SLFN14: variants seen among roughly 807,000 people sequenced by gnomAD.
The protein encoded by SLFN14 is protein SLFN14.
In SLFN14, 47 loss-of-function variants were observed where a neutral mutation model predicts 58.6. That is an observed-to-expected ratio of 0.80 (90% CI 0.64 to 1.02). The LOEUF (loss-of-function observed/expected upper bound fraction) is 1.02. Ranked by LOEUF, SLFN14 falls within the 50% of genes least tolerant of loss-of-function variation. The pLI is 0.00. For missense variants in SLFN14, 967 were observed against 1,078.4 expected, an observed-to-expected ratio of 0.90 and a Z score of 1.45; for synonymous variants, 390 against 387.3, an observed-to-expected ratio of 1.01 and a Z score of -0.08.
At position 35,546,220 on chromosome 17, in the gene SLFN14, T is replaced by C. The variant is rs1198853185; in HGVS notation, c.*2019A>G. ...TCATACATCTCCCTACATCAGAATG[T>C]CAATGCACTGGCATCTTTTGCAAAA... On this transcript the variant is annotated 3_prime_UTR_variant, in exon 6 of 6. Transcript: ENST00000674182. Among the ~76,000 whole-genome samples, 1 of 152,214 alleles carries C rather than the reference T, an allele frequency of 6.6e-6. No individual in the cohort carries two copies. Among genetic ancestry groups the C allele is most frequent in the Non-Finnish European group, 1.5e-5 (1 of 68,038 alleles).
chr17:35,546,234 T>C lies in SLFN14; in HGVS notation c.*2005A>G, dbSNP rs569365043. Among the ~76,000 whole-genome samples, 56 of 152,326 alleles carry C rather than the reference T, an allele frequency of 3.7e-4. No homozygotes were observed. The highest frequency in any genetic ancestry group is 1.3e-3 in the African/African-American group (56 of 41,584). On this transcript the variant is annotated 3_prime_UTR_variant, in exon 6 of 6. Transcript: ENST00000674182. The stretch of plus-strand genomic sequence containing the variant: ...ACATCAGAATGTCAATGCACTGGCA[T>C]CTTTTGCAAAACCGATTGCTGAACT...
At chr17:35,555,214 C>CA (rs1263375755) in intron 3 of SLFN14, among the ~76,000 whole-genome samples, 38 of 151,334 alleles carry the variant, frequency 2.5e-4, no homozygotes, top group South Asian at 6.2e-4. Context: ...CTACTAAAAA[C>CA]AAAAAAAATT....
At chr17:35,553,560 T>A in intron 4 of SLFN14, 116 bp from the exon 5 acceptor site, 1 of 841,640 alleles carries the variant, frequency 1.2e-6, no homozygotes. Context: ...GAGCTTTCCT[T>A]TAGAATTGTG....
chr17:35,555,032 G>A (rs2072637890), intron 3 of SLFN14, among the ~76,000 whole-genome samples: 1 of 152,022 alleles, frequency 6.6e-6, no homozygotes, highest in African/African-American at 2.4e-5. Flanking sequence ...TCTCTAAGAA[G>A]AAAAGGCATC....
In SLFN14 at chr17:35,557,618, G is replaced by A; in HGVS notation, c.445C>T (p.Leu149Phe). ...INLSASSALE[L>F]LREKGFRAQR... The stretch of plus-strand genomic sequence containing the variant: ...GCTCTAAACCCCTTCTCTCTGAGAA[G>A]CTCCAGGGCACTGCTAGCACTCAAG... The change falls in exon 3 of 6, where the codon CTT becomes TTT. Residue 149 changes from leucine (L) to phenylalanine (F), a missense_variant. By Grantham distance (22) the Leu-to-Phe change is conservative (BLOSUM62 0). Transcript: ENST00000674182. The A allele has an allele frequency of 6.4e-7, 1 of 1,551,678 alleles. No individual in the cohort carries two copies. The highest frequency in any genetic ancestry group is 8.7e-7 in the Non-Finnish European group (1 of 1,146,992).
rs1287342450 is a variant in SLFN14, at chr17:35,548,242, G to A, written c.2736C>T (p.Tyr912=). Residue 912 remains tyrosine, a synonymous_variant, in exon 6 of 6, where the codon TAC becomes TAT. Transcript: ENST00000674182. The stretch of plus-strand genomic sequence containing the variant: ...CCTCTATTATTTGTAATAATTTTCA[G>A]TAGGCTGCCCTCTTTTCATAAAGCA... The part of the protein sequence containing the change: ...LYLLYEKRAA[Y] 1 of 1,549,648 alleles carries A rather than the reference G, an allele frequency of 6.5e-7. No individual in the cohort carries two copies. Among genetic ancestry groups the A allele is most frequent in the East Asian group, 2.4e-5 (1 of 40,908 alleles).
At chr17:35,554,049 A>G (rs1216642977) in intron 4 of SLFN14, among the ~76,000 whole-genome samples, 2 of 152,174 alleles carry the variant, frequency 1.3e-5, no homozygotes, top group African/African-American at 4.8e-5. Context: ...CTCCCCCAGC[A>G]AAGAGTTATC....
chr17:35,548,043 G>A lies in SLFN14; in HGVS notation c.*196C>T, dbSNP rs1313142113. On this transcript the variant is annotated 3_prime_UTR_variant, in exon 6 of 6. Coordinates refer to ENST00000674182, the MANE Select transcript of SLFN14 (RefSeq NM_001129820.2). ...GTCTATTGTAATTGTATAGGTAGGA[G>A]GTGAAGGAAATTGTGAAAAGGCCAG... 1 of 602,128 alleles carries A rather than the reference G, an allele frequency of 1.7e-6. No individual in the cohort carries two copies. Among genetic ancestry groups the A allele is most frequent in the Non-Finnish European group, 2.9e-6 (1 of 342,416 alleles). 37.3% of individuals were successfully genotyped at this position (602,128 alleles called of 1,614,324 possible). A position where few individuals can be genotyped will look rare whatever the true frequency, so the allele number is the denominator to read the frequency against.
At position 35,549,014 on chromosome 17, in the gene SLFN14, T is replaced by G. The variant is rs1195748437; in HGVS notation, c.1964A>C (p.Lys655Thr). 1 of 1,551,574 alleles carries G rather than the reference T, an allele frequency of 6.4e-7. No homozygotes were observed. The highest frequency in any genetic ancestry group is 1.4e-5 in the African/African-American group (1 of 73,038). ...RKTFMQGEFLKIKHIVMDETE... is the reference protein window; with the variant it reads ...RKTFMQGEFLTIKHIVMDETE... ...CTCATCCATCACTATGTGTTTAATC[T>G]TTAGAAACTCCCCTTGCATGAAAGT... is the stretch of plus-strand genomic sequence containing the variant. Residue 655 changes from lysine (K) to threonine (T), a missense_variant, in exon 6 of 6, where the codon AAG becomes ACG. Physicochemically the swap from Lys to Thr is moderately conservative, Grantham distance 78. Transcript: ENST00000674182.
At chr17:35,559,053 T>TA (rs33995321) in intron 2 of SLFN14, among the ~76,000 whole-genome samples, 107 of 140,258 alleles carry the variant, frequency 7.6e-4, no homozygotes, top group Middle Eastern at 3.6e-3. Context: ...CGACAAAAGA[T>TA]AAAAAAAAAA....
intron 5 of SLFN14, among the ~76,000 whole-genome samples, chr17:35,551,867 C>A (rs116964752): frequency 0.018 from 2,771 of 152,334 alleles, 33 homozygotes; most frequent in Middle Eastern, 0.068. Context: ...GCCCCTGGGG[C>A]CTCCTCAGCC....
At chr17:35,551,554 A>T (rs2072587625) in intron 5 of SLFN14, among the ~76,000 whole-genome samples, 5 of 152,212 alleles carry the variant, frequency 3.3e-5, no homozygotes. Context: ...TGGAGTAGGT[A>T]CTGGCACTGG....
At chr17:35,554,856 G>C (rs1292676258) in intron 3 of SLFN14, 152 bp from the exon 4 acceptor site, 1 of 498,118 alleles carries the variant, frequency 2.0e-6, no homozygotes, top group Non-Finnish European at 3.1e-6. Flanking sequence ...GACAGCTCAC[G>C]TATGTCAGGA....
chr17:35,552,343 C>T (rs1041648162), intron 5 of SLFN14, among the ~76,000 whole-genome samples: 3 of 152,060 alleles, frequency 2.0e-5, no homozygotes, highest in African/African-American at 7.2e-5. Context: ...ACCACTTCCA[C>T]CTTTAAACAT....
In SLFN14 at chr17:35,557,718, A is replaced by G. The variant is rs2072667362; in HGVS notation, c.345T>C (p.Asp115=). 6.4e-7 allele frequency: 1 copy of G among 1,551,594 alleles called. No individual in the cohort carries two copies. Among genetic ancestry groups the G allele is most frequent in the Non-Finnish European group, 8.7e-7 (1 of 1,146,982 alleles). The change falls in exon 3 of 6, where the codon GAT becomes GAC. Residue 115 remains aspartate, a synonymous_variant. Coordinates refer to ENST00000674182, the MANE Select transcript of SLFN14 (RefSeq NM_001129820.2). ...AAATCCTTAGTGGAAGGCTGAAAAC[A>G]TCTGGGCTCCATGACTTCACAAAAA... ...LLIFVKSWSP[D]VFSLPLRICS... is the part of the protein sequence containing the mutation.
Position 35,548,417 on chromosome 17 carries a change from C to A in SLFN14, c.2561G>T (p.Gly854Val). ...PSEVVFSPAT[G>V]VWGSHIVLDS... ...TAAAACAATGTGACTTCCCCAAACA[C>A]CGGTGGCCGGGCTAAACACAACCTC... The change falls in exon 6 of 6, where the codon GGT becomes GTT. Residue 854 changes from glycine (G) to valine (V), a missense_variant. Physicochemically the swap from Gly to Val is moderately radical, Grantham distance 109. Transcript: ENST00000674182. The A allele has an allele frequency of 6.4e-7, 1 of 1,551,724 alleles. No homozygotes were observed. The highest frequency in any genetic ancestry group is 1.2e-5 in the South Asian group (1 of 84,064).
rs2072538143 is a variant in SLFN14, at chr17:35,546,844, A to G, written c.*1395T>C. Among the ~76,000 whole-genome samples the G allele has an allele frequency of 6.6e-6, 1 of 152,204 alleles. No homozygotes were observed. The highest frequency in any genetic ancestry group is 2.1e-4 in the South Asian group (1 of 4,832). ...GTGGAGGGGACAGAAAAGGGTTTAA[A>G]GACTGAGAAAATGGCACAGGCACAG... On this transcript the variant is annotated 3_prime_UTR_variant, in exon 6 of 6. Transcript: ENST00000674182.
rs1469717934 is a variant in SLFN14, at chr17:35,552,788, A to G, written c.1846T>C (p.Cys616Arg). The change falls in exon 5 of 6, where the codon TGC becomes CGC. Residue 616 changes from cysteine (C) to arginine (R), a missense_variant. By Grantham distance (180) the Cys-to-Arg change is radical (BLOSUM62 -3). Coordinates refer to ENST00000674182, the MANE Select transcript of SLFN14 (RefSeq NM_001129820.2). ...ACATAGAGGATCTCTTTTGGTTTGC[A>G]GTGAAACAAGTCCTTAATTTTCTCC... ...IMEKIKDLFH[C>R]KPKEILYVCE... 8 of 1,551,328 alleles carry G rather than the reference A, an allele frequency of 5.2e-6. No individual in the cohort carries two copies. Among genetic ancestry groups the G allele is most frequent in the South Asian group, 1.2e-5 (1 of 84,054 alleles).
chr17:35,552,975 C>G lies in SLFN14; in HGVS notation c.1659G>C (p.Leu553=), dbSNP rs1480389460. The stretch of plus-strand genomic sequence containing the variant: ...GGTCACTCAGAAGAGATCTGGAGGA[C>G]AGGGAGACCACCACCAGAGCCTGCA... ...DLLQALVVVS[L]SSRSLLSDQM... is the part of the protein sequence containing the mutation. Residue 553 remains leucine, a synonymous_variant, in exon 5 of 6, where the codon CTG becomes CTC. Coordinates refer to ENST00000674182, the MANE Select transcript of SLFN14 (RefSeq NM_001129820.2). The G allele has an allele frequency of 1.3e-6, 2 of 1,551,552 alleles. No homozygotes were observed. Among genetic ancestry groups the G allele is most frequent in the Non-Finnish European group, 1.7e-6 (2 of 1,146,976 alleles).
Sources: allele counts gnomAD v4.1 joint callset (sites outside exome capture counted in the v4.1 genomes callset), GRCh38; gene constraint gnomAD v4.1.1; transcripts MANE v1.5; gene names NCBI Gene and HGNC (gene_info 2026-07-23, HGNC 2026-07-21).